ADGRL2: variants seen among roughly 807,000 people sequenced by gnomAD.
ADGRL2 encodes adhesion G protein-coupled receptor L2, also known as calcium-independent alpha-latrotoxin receptor 2.
Under a neutral mutation model 157.4 loss-of-function variants are expected in ADGRL2, and 44 were observed. That is an observed-to-expected ratio of 0.28 (90% confidence interval 0.22 to 0.36). The LOEUF (loss-of-function observed/expected upper bound fraction) is 0.36. Ranked by LOEUF, ADGRL2 falls within the 10% of genes least tolerant of loss-of-function variation. The pLI is 1.00. For missense variants in ADGRL2, 1,510 were observed against 1,768.9 expected, an observed-to-expected ratio of 0.85 and a Z score of 2.63; for synonymous variants, 585 against 624.7, an observed-to-expected ratio of 0.94 and a Z score of 0.95.
At chr1:81,514,089 A>G (rs1163561727) in intron 2 of ADGRL2, 1 of 105,556 alleles carries the variant, frequency 9.5e-6, no homozygotes, top group Non-Finnish European at 1.7e-5. Flanking sequence ...ATAACAAAGT[A>G]AAAGCAGAAA....
chr1:81,789,111 T>C (rs2087202814), intron 2 of ADGRL2, among the ~76,000 whole-genome samples: 1 of 152,110 alleles, frequency 6.6e-6, no homozygotes, highest in South Asian at 2.1e-4. Context: ...TGCGACCCAG[T>C]GTGTATGGTG....
intron 2 of ADGRL2, among the ~76,000 whole-genome samples, chr1:81,858,139 G>A (rs1053591579): frequency 1.3e-5 from 2 of 152,220 alleles, no homozygotes; most frequent in East Asian, 1.9e-4. Context: ...ACACTCTGAG[G>A]TATAAGCAGT....
At chr1:81,627,430 G>A (rs1255374773) in intron 3 of ADGRL2, among the ~76,000 whole-genome samples, 1 of 152,064 alleles carries the variant, frequency 6.6e-6, no homozygotes, top group Non-Finnish European at 1.5e-5. Flanking sequence ...GAGGTAGGTT[G>A]AGCCATATTT....
chr1:81,687,687 T>C, intron 3 of ADGRL2, among the ~76,000 whole-genome samples: 1 of 152,202 alleles, frequency 6.6e-6, no homozygotes, highest in East Asian at 1.9e-4. Flanking sequence ...GTGCTCTTTG[T>C]TGCCTGTGTA....
intron 2 of ADGRL2, among the ~76,000 whole-genome samples, chr1:81,521,961 C>CTT (rs1350142197): frequency 2.8e-4 from 40 of 142,628 alleles, no homozygotes; most frequent in Middle Eastern, 3.6e-3. Context: ...AATAAATGTA[C>CTT]TTTTTGTTTT....
chr1:81,567,748 T>C (rs1398969065), intron 2 of ADGRL2, among the ~76,000 whole-genome samples: 2 of 152,074 alleles, frequency 1.3e-5, no homozygotes, highest in Admixed American at 1.3e-4. Context: ...ACAAACAATA[T>C]TATGAAAGGA....
rs148845892 is a variant in ADGRL2, at chr1:81,884,582, T to C, written c.74-22435T>C. Among the ~76,000 whole-genome samples the C allele has an allele frequency of 4.0e-3, 613 of 152,288 alleles. 4 individuals carry two copies. The highest frequency in any genetic ancestry group is 0.013 in the African/African-American group (553 of 41,564). ...ATATATTGAACAAAGCAAAACACTA[T>C]GTATCTGCTCTTTCATATAACATTC... On this transcript the variant is annotated intron_variant, in intron 2 of 23. Transcript: ENST00000686636.
chr1:81,829,739 G>A (rs745463025), intron 1 of ADGRL2, among the ~76,000 whole-genome samples: 42 of 152,100 alleles, frequency 2.8e-4, no homozygotes, highest in Non-Finnish European at 5.6e-4. Context: ...GCCCCCAGAT[G>A]GCTTCCTTAA....
chr1:81,987,145 C>A, intron 22 of ADGRL2, 116 bp downstream of exon 22: 1 of 1,394,424 alleles, frequency 7.2e-7, no homozygotes, highest in Admixed American at 2.5e-5. Flanking sequence ...TTCTTAATTT[C>A]TCAGTTAAAA....
chr1:81,643,061 A>G (rs549244054), intron 3 of ADGRL2, among the ~76,000 whole-genome samples: 3 of 152,348 alleles, frequency 2.0e-5, no homozygotes, highest in East Asian at 3.9e-4. Context: ...TTTCAATATC[A>G]TACTGAAAGT....
intron 3 of ADGRL2, among the ~76,000 whole-genome samples, chr1:81,649,549 C>T (rs1034092404): frequency 6.6e-6 from 1 of 152,168 alleles, no homozygotes; most frequent in African/African-American, 2.4e-5. Context: ...TTTCTATTCT[C>T]CTGGAATATC....
At chr1:81,451,702 A>T (rs1448343516) in intron 2 of ADGRL2, among the ~76,000 whole-genome samples, 1 of 152,158 alleles carries the variant, frequency 6.6e-6, no homozygotes, top group Non-Finnish European at 1.5e-5. Context: ...GAAGCCTAGA[A>T]GCATTCATAT....
At chr1:81,811,578 T>C (rs1216272930) in intron 1 of ADGRL2, among the ~76,000 whole-genome samples, 1 of 151,684 alleles carries the variant, frequency 6.6e-6, no homozygotes, top group Admixed American at 6.6e-5. Context: ...GAAAGGAATA[T>C]GGCAGAAGAG....
intron 1 of ADGRL2, among the ~76,000 whole-genome samples, chr1:81,398,500 GT>G (rs113730346): frequency 0.032 from 4,826 of 152,002 alleles, 102 homozygotes; most frequent in Middle Eastern, 0.088. Flanking sequence ...ACTTTTGCAT[GT>G]TTTTGTGGTG....
chr1:81,380,887 T>C (rs1289307138), intron 1 of ADGRL2, among the ~76,000 whole-genome samples: 1 of 152,130 alleles, frequency 6.6e-6, no homozygotes, highest in Non-Finnish European at 1.5e-5. Context: ...CAAACTCTTA[T>C]TTTATTTCAA....
At chr1:81,873,498 T>A (rs1012644961) in intron 2 of ADGRL2, among the ~76,000 whole-genome samples, 1 of 152,118 alleles carries the variant, frequency 6.6e-6, no homozygotes, top group South Asian at 2.1e-4. Flanking sequence ...TTATAAATGA[T>A]AGATCAGAGT....
chr1:81,696,384 A>C (rs567981520), upstream of ADGRL2, among the ~76,000 whole-genome samples: 1 of 152,194 alleles, frequency 6.6e-6, no homozygotes, highest in African/African-American at 2.4e-5. Context: ...CAGGAAAGAA[A>C]GAACTTCGGA....
At chr1:81,505,540 C>T (rs1157636080) in intron 2 of ADGRL2, among the ~76,000 whole-genome samples, 1 of 150,590 alleles carries the variant, frequency 6.6e-6, no homozygotes, top group Non-Finnish European at 1.5e-5. Context: ...AGCAGGGTGT[C>T]ACCCAGAGCC....
At chr1:81,878,537 T>C (rs571424354) in intron 2 of ADGRL2, among the ~76,000 whole-genome samples, 6 of 152,280 alleles carry the variant, frequency 3.9e-5, no homozygotes, top group African/African-American at 1.2e-4. Flanking sequence ...CGTCTTCTTC[T>C]TACTGCAAAG....
Sources: gnomAD v4.1 joint callset for allele counts (sites outside exome capture counted in the v4.1 genomes callset) on GRCh38, gnomAD v4.1.1 for gene constraint, MANE v1.5 for transcripts, NCBI Gene and HGNC (gene_info 2026-07-23, HGNC 2026-07-21) for gene names.